The following GCNT4 variants were observed in gnomAD, a reference collection of about 807,000 sequenced individuals.
GCNT4 encodes the protein glucosaminyl (N-acetyl) transferase 4, also known as beta-1,3-galactosyl-O-glycosyl-glycoprotein beta-1,6-N-acetylglucosaminyltransferase 4.
In GCNT4, 17 loss-of-function variants were observed where a neutral mutation model predicts 31.3. The ratio of observed to expected loss-of-function variants is 0.54; its 90% CI spans 0.37 to 0.81. The LOEUF (loss-of-function observed/expected upper bound fraction) is 0.81, where lower values mean the gene tolerates loss of function less well. GCNT4 is among the 40% of genes least tolerant of loss of function. The probability of loss-of-function intolerance (pLI) is 0.00; values close to 1 mark genes in which losing one functional copy is unlikely to be tolerated. For synonymous variants in GCNT4, 158 were observed against 190.6 expected (o/e 0.83, Z 1.41); for missense variants, 503 against 525.5 (o/e 0.96, Z 0.42).
the GCNT4 span, among the ~76,000 whole-genome samples, chr5:75,018,808 A>C: frequency 1.3e-5 from 2 of 152,124 alleles, no homozygotes; most frequent in Middle Eastern, 3.2e-3. Context: ...CAAGAGGCAA[A>C]AGGAATGAAC....
chr5:75,038,845 C>T (rs1333536098), intron 3 of GCNT4, among the ~76,000 whole-genome samples: 1 of 152,134 alleles, frequency 6.6e-6, no homozygotes, highest in Non-Finnish European at 1.5e-5. Context: ...TGTGTCTATC[C>T]AACTGCTCCC....
At chr5:75,030,775 G>C (rs1470091502) in intron 3 of GCNT4, 2 of 167,080 alleles carry the variant, frequency 1.2e-5, no homozygotes, top group African/African-American at 4.8e-5. Context: ...ATACTTGTCA[G>C]TTTTAAATGT....
the GCNT4 span, among the ~76,000 whole-genome samples, chr5:75,019,013 T>A: frequency 3.3e-5 from 5 of 152,286 alleles, no homozygotes; most frequent in Middle Eastern, 6.8e-3. Context: ...TATAAGCTCC[T>A]TTCCTACAAG....
In GCNT4 at chr5:75,028,079, C is replaced by T. The variant is rs192794508; in HGVS notation, c.*597G>A. On this transcript the variant is annotated 3_prime_UTR_variant, in exon 4 of 4. Coordinates refer to ENST00000652361, the MANE Select transcript of GCNT4 (RefSeq NM_001366737.1). ...ACAGTCTCCTCAACCCTGAATTGAC[C>T]AAGTAATGCACCAAAAGGCAGATTA... 1.3e-3 allele frequency: 193 copies of T among 152,722 alleles called. No individual in the cohort carries two copies. The highest frequency in any genetic ancestry group is 3.9e-3 in the Admixed American group (59 of 15,282). The allele number at this position is 152,722 out of a possible 1,614,324, so 9.5% of individuals were successfully genotyped here. A position where few individuals can be genotyped will look rare whatever the true frequency, so the allele number is the denominator to read the frequency against.
intron 3 of GCNT4, among the ~76,000 whole-genome samples, chr5:75,041,136 T>C (rs919164161): frequency 2.0e-5 from 3 of 152,262 alleles, no homozygotes; most frequent in Non-Finnish European, 4.4e-5. Context: ...TCTCCAGGTA[T>C]TGCAAAAATG....
downstream of GCNT4, among the ~76,000 whole-genome samples, chr5:75,024,931 A>G (rs1742924165): frequency 7.0e-6 from 1 of 142,480 alleles, no homozygotes; most frequent in African/African-American, 2.7e-5. Flanking sequence ...AGTCTGGGTG[A>G]CAGTGCGAGA....
chr5:75,052,284 A>G (rs1180796911), intron 1 of GCNT4, 57 bp from the exon 2 acceptor site: 1 of 152,110 alleles, frequency 6.6e-6, no homozygotes, highest in Non-Finnish European at 1.5e-5. Context: ...AATGAATTTA[A>G]AAAGTGCCCC....
Position 75,052,452 on chromosome 5 carries a change from A to G in GCNT4, c.-225T>C, listed in dbSNP as rs1435449560. 6.6e-6 allele frequency: 1 copy of G among 152,160 alleles called. No homozygotes were observed. The highest frequency in any genetic ancestry group is 2.4e-5 in the African/African-American group (1 of 41,440). 9.4% of individuals were successfully genotyped at this position (152,160 alleles called of 1,614,324 possible). A position where few individuals can be genotyped will look rare whatever the true frequency, so the allele number is the denominator to read the frequency against. On this transcript the variant is annotated 5_prime_UTR_variant, in exon 1 of 4. Coordinates refer to ENST00000652361, the MANE Select transcript of GCNT4 (RefSeq NM_001366737.1). Reference sequence around the variant, plus strand: ...ACCTAGCACCGTTTCCTACGTGAAGACTGCAAATGGACTCGAGCGTCCCGT... The same window carrying G: ...ACCTAGCACCGTTTCCTACGTGAAGGCTGCAAATGGACTCGAGCGTCCCGT...
At chr5:75,044,711 A>T (rs1044191951) in intron 3 of GCNT4, among the ~76,000 whole-genome samples, 1 of 152,118 alleles carries the variant, frequency 6.6e-6, no homozygotes, top group Non-Finnish European at 1.5e-5. Flanking sequence ...CTCCAAAGGC[A>T]ACAGCCACGG....
In GCNT4 at chr5:75,028,558, G is replaced by A; in HGVS notation, c.*118C>T. On this transcript the variant is annotated 3_prime_UTR_variant, in exon 4 of 4. Transcript: ENST00000652361. ...CACTTTCCCTTGTGTATGGAATTTT[G>A]GACACCTTTTAAAATATGGGAGGAC... is the stretch of plus-strand genomic sequence containing the variant. 2 of 950,362 alleles carry A rather than the reference G, an allele frequency of 2.1e-6. No individual in the cohort carries two copies. The highest frequency in any genetic ancestry group is 3.6e-5 in the South Asian group (2 of 55,378). 58.9% of individuals were successfully genotyped at this position (950,362 alleles called of 1,614,324 possible).
intron 3 of GCNT4, among the ~76,000 whole-genome samples, chr5:75,032,872 G>GGTGGGGGTGT (rs55942109): frequency 1.9e-4 from 25 of 130,756 alleles, no homozygotes; most frequent in South Asian, 1.6e-3. Context: ...CCCAAATAGG[G>GGTGGGGGTGT]GTGTGTGTGT....
At position 75,025,409 on chromosome 5, in the gene GCNT4, A is replaced by G. The variant is rs923163957; in HGVS notation, c.*3267T>C. On this transcript the variant is annotated 3_prime_UTR_variant, in exon 4 of 4. Transcript: ENST00000652361. ...AGAATCAACATCTAGTAGTAGCATA[A>G]TACAAAATGAAACACCAATCTATTT... is the stretch of plus-strand genomic sequence containing the variant. 6.6e-6 allele frequency: 1 copy of G among 152,220 alleles called. No homozygotes were observed. Among genetic ancestry groups the G allele is most frequent in the South Asian group, 2.1e-4 (1 of 4,832 alleles). The allele number at this position is 152,220 out of a possible 1,614,324, so 9.4% of individuals were successfully genotyped here.
intron 3 of GCNT4, among the ~76,000 whole-genome samples, chr5:75,038,612 C>T (rs185468613): frequency 6.6e-6 from 1 of 152,312 alleles, no homozygotes; most frequent in East Asian, 1.9e-4. Flanking sequence ...CAAGATGGTG[C>T]CTTGCTGCTG....
At chr5:75,043,547 C>T (rs1405137358) in intron 3 of GCNT4, among the ~76,000 whole-genome samples, 9 of 151,904 alleles carry the variant, frequency 5.9e-5, no homozygotes, top group Non-Finnish European at 1.3e-4. Flanking sequence ...TCTTTCTTTT[C>T]TTCTTCTTCC....
downstream of GCNT4, among the ~76,000 whole-genome samples, chr5:75,024,603 C>T (rs1281112640): frequency 6.6e-6 from 1 of 152,074 alleles, no homozygotes; most frequent in Non-Finnish European, 1.5e-5. Flanking sequence ...GAATCCTCCA[C>T]CAGCAAGGCC....
downstream of GCNT4, among the ~76,000 whole-genome samples, chr5:75,021,094 G>A (rs897975574): frequency 6.6e-6 from 1 of 152,186 alleles, no homozygotes; most frequent in African/African-American, 2.4e-5. Flanking sequence ...CTGTGTAAAT[G>A]AACCTAAGGG....
chr5:75,053,452 G>C (rs1346074872), upstream of GCNT4, among the ~76,000 whole-genome samples: 3 of 152,120 alleles, frequency 2.0e-5, no homozygotes, highest in Non-Finnish European at 4.4e-5. Context: ...ACGAGGCTGA[G>C]ACCGGGTTAA....
chr5:75,019,694 T>C, the GCNT4 span, among the ~76,000 whole-genome samples: 2 of 152,204 alleles, frequency 1.3e-5, no homozygotes, highest in Admixed American at 6.5e-5. Context: ...ATCTGTAAGA[T>C]TTTATATATA....
chr5:75,022,733 T>A (rs1478073968), downstream of GCNT4, among the ~76,000 whole-genome samples: 1 of 152,322 alleles, frequency 6.6e-6, no homozygotes, highest in East Asian at 1.9e-4. Flanking sequence ...GACAGTGGCT[T>A]AAAGCACATA....
Sources: allele counts gnomAD v4.1 joint callset (sites outside exome capture counted in the v4.1 genomes callset), GRCh38; gene constraint gnomAD v4.1.1; transcripts MANE v1.5; gene names NCBI Gene and HGNC (gene_info 2026-07-23, HGNC 2026-07-21).